The following SLC16A1 variants were observed in gnomAD, a reference collection of about 807,000 sequenced individuals.
The protein encoded by SLC16A1 is monocarboxylate transporter 1.
A neutral mutation model predicts 32.2 loss-of-function variants in SLC16A1; 11 were observed. The observed-to-expected ratio is 0.34, with a 90% CI of 0.21 to 0.56. The LOEUF (loss-of-function observed/expected upper bound fraction) is 0.56. SLC16A1 is among the 20% of genes least tolerant of loss of function. The probability of loss-of-function intolerance (pLI) is 0.87; values close to 1 mark genes in which losing one functional copy is unlikely to be tolerated. For missense variants in SLC16A1, 435 were observed against 615.0 expected (o/e 0.71, Z 3.10); for synonymous variants, 231 against 226.8 (o/e 1.02, Z -0.17).
intron 1 of SLC16A1, among the ~76,000 whole-genome samples, chr1:112,939,826 G>A (rs1649443204): frequency 6.6e-6 from 1 of 151,960 alleles, no homozygotes; most frequent in Non-Finnish European, 1.5e-5. Flanking sequence ...TTTAAAATGA[G>A]TTATGTATTA....
At chr1:112,946,877 T>C (rs1184222105) in intron 1 of SLC16A1, among the ~76,000 whole-genome samples, 6 of 152,196 alleles carry the variant, frequency 3.9e-5, no homozygotes, top group Non-Finnish European at 7.3e-5. Flanking sequence ...AAAGAACTTA[T>C]CTATCTTGTT....
intron 1 of SLC16A1, among the ~76,000 whole-genome samples, chr1:112,947,099 C>T (rs892421835): frequency 3.6e-4 from 55 of 152,150 alleles, no homozygotes; most frequent in African/African-American, 1.3e-3. Flanking sequence ...GAAAAGAAAG[C>T]TGGGGGCTAT....
intron 1 of SLC16A1, among the ~76,000 whole-genome samples, chr1:112,930,671 C>T (rs1338431539): frequency 2.0e-5 from 3 of 151,362 alleles, no homozygotes; most frequent in Admixed American, 1.3e-4. Flanking sequence ...CCCCATTTGA[C>T]TTATCTGCTT....
intron 1 of SLC16A1, among the ~76,000 whole-genome samples, chr1:112,953,175 AAC>A (rs1570650720): frequency 2.8e-5 from 3 of 108,804 alleles, no homozygotes; most frequent in Admixed American, 1.0e-4. Context: ...TTTTTTTTGA[AAC>A]AGAGTCTTGC....
At chr1:112,954,968 A>C (rs950086327) in intron 1 of SLC16A1, among the ~76,000 whole-genome samples, 56 of 152,188 alleles carry the variant, frequency 3.7e-4, no homozygotes, top group African/African-American at 1.4e-3. Flanking sequence ...GGTTGGGATA[A>C]AAAAATTGTT....
chr1:112,955,407 G>GC (rs2101657857), intron 1 of SLC16A1: 2 of 152,362 alleles, frequency 1.3e-5, no homozygotes, highest in African/African-American at 4.8e-5. Flanking sequence ...ATGACAAAGA[G>GC]CCCCCGTCAG....
chr1:112,955,895 G>C (rs1205930625), intron 1 of SLC16A1, 140 bp downstream of exon 1: 1 of 152,268 alleles, frequency 6.6e-6, no homozygotes, highest in Middle Eastern at 3.1e-3. Context: ...GGCTGCCTGT[G>C]ACCACGATGC....
intron 2 of SLC16A1, among the ~76,000 whole-genome samples, chr1:112,926,918 T>A (rs1483022403): frequency 2.7e-5 from 4 of 145,464 alleles, no homozygotes; most frequent in South Asian, 4.4e-4. Context: ...TAAAAAAACT[T>A]AAAAAAAAAA....
At chr1:112,951,009 T>C (rs1455878915) in intron 1 of SLC16A1, among the ~76,000 whole-genome samples, 1 of 151,512 alleles carries the variant, frequency 6.6e-6, no homozygotes, top group East Asian at 1.9e-4. Flanking sequence ...TAAATTATAA[T>C]TTATAGATTT....
At position 112,917,974 on chromosome 1, in the gene SLC16A1, T is replaced by C; in HGVS notation, c.432A>G (p.Pro144=). Residue 144 remains proline (P), a synonymous_variant, in exon 4 of 5, where the codon CCA becomes CCG. Coordinates refer to ENST00000369626, the MANE Select transcript of SLC16A1 (RefSeq NM_003051.4). This position sits in a 1 kb window ranked among gnomAD's most constrained non-coding sequence, Gnocchi z 4.1. ...CTGCCATGGCCAGTCCGTTGGCCAA[T>C]GGTCGCCTCTTGTAGAAATACTTGC... The part of the protein sequence containing the change: ...MIGKYFYKRR[P]LANGLAMAGS... The C allele has an allele frequency of 1.9e-6, 3 of 1,589,402 alleles. No homozygotes were observed. The highest frequency in any genetic ancestry group is 2.6e-6 in the Non-Finnish European group (3 of 1,173,856).
At chr1:112,926,045 A>C (rs1444205514) in intron 2 of SLC16A1, among the ~76,000 whole-genome samples, 2 of 152,194 alleles carry the variant, frequency 1.3e-5, no homozygotes, top group African/African-American at 2.4e-5. Context: ...TGAAAGAATA[A>C]AAAATTAACT....
chr1:112,929,047 G>T, intron 2 of SLC16A1, 45 bp downstream of exon 2: 1 of 1,385,424 alleles, frequency 7.2e-7, no homozygotes, highest in African/African-American at 1.4e-5. Context: ...AGACACTCTG[G>T]CTGCTTCATG....
At chr1:112,923,967 G>T in intron 2 of SLC16A1, 1 of 1,484,894 alleles carries the variant, frequency 6.7e-7, no homozygotes, top group Non-Finnish European at 9.4e-7. Context: ...CCTGCTGACT[G>T]GCAAGTACAA....
chr1:112,922,731 C>A (rs574497947), intron 2 of SLC16A1, among the ~76,000 whole-genome samples: 5 of 151,782 alleles, frequency 3.3e-5, no homozygotes, highest in South Asian at 2.1e-4. Flanking sequence ...GCCAAGATTG[C>A]GCCACTGCAC....
intron 1 of SLC16A1, among the ~76,000 whole-genome samples, chr1:112,952,173 G>A (rs1557858191): frequency 6.6e-6 from 1 of 152,130 alleles, no homozygotes; most frequent in Non-Finnish European, 1.5e-5. Flanking sequence ...ATTAAACTAG[G>A]ACATGTTAAA....
intron 2 of SLC16A1, chr1:112,922,472 T>C (rs1648770796): frequency 3.0e-6 from 1 of 338,034 alleles, no homozygotes; most frequent in Non-Finnish European, 5.6e-6. Context: ...TAGGATACGA[T>C]TAACATGTAT....
At chr1:112,951,270 C>G (rs1019253335) in intron 1 of SLC16A1, among the ~76,000 whole-genome samples, 2 of 151,914 alleles carry the variant, frequency 1.3e-5, no homozygotes, top group African/African-American at 4.8e-5. Context: ...ACAAAAGGGA[C>G]AAGAGATTGG....
chr1:112,947,946 T>C (rs528229064), intron 1 of SLC16A1, among the ~76,000 whole-genome samples: 66 of 152,246 alleles, frequency 4.3e-4, no homozygotes, highest in African/African-American at 1.6e-3. Context: ...TTGCTGGGTG[T>C]GGTGGCTCAC....
chr1:112,945,417 G>C (rs1649663100), intron 1 of SLC16A1, among the ~76,000 whole-genome samples: 1 of 152,004 alleles, frequency 6.6e-6, no homozygotes, highest in Non-Finnish European at 1.5e-5. Context: ...GCTCACGCCT[G>C]TAATCCCAGC....
Sources: gnomAD v4.1 joint callset for allele counts (sites outside exome capture counted in the v4.1 genomes callset) on GRCh38, gnomAD v4.1.1 for gene constraint, Gnocchi (gnomAD v3.1) non-coding constraint, MANE v1.5 for transcripts, NCBI Gene and HGNC (gene_info 2026-07-23, HGNC 2026-07-21) for gene names.